The following RAB38 variants were observed in gnomAD, a reference collection of about 807,000 sequenced individuals.
The protein encoded by RAB38 is RAB38, member RAS oncogene family, also known as ras-related protein Rab-38.
A neutral mutation model predicts 18.4 loss-of-function variants in RAB38; 15 were observed. The observed-to-expected ratio is 0.82, with a 90% CI of 0.55 to 1.26. The LOEUF is 1.26. RAB38 is among the 50% of genes most tolerant of loss of function. The probability of loss-of-function intolerance (pLI) is 0.00; values close to 1 mark genes in which losing one functional copy is unlikely to be tolerated. For missense variants in RAB38, 294 were observed against 267.4 expected (o/e 1.10, Z -0.69); for synonymous variants, 101 against 104.4 (o/e 0.97, Z 0.20).
intron 1 of RAB38, among the ~76,000 whole-genome samples, chr11:88,174,637 A>AAAAAAAAC (rs1555014231): frequency 1.0e-4 from 14 of 133,708 alleles, no homozygotes; most frequent in Non-Finnish European, 1.9e-4. Context: ...AAAAAAAAAA[A>AAAAAAAAC]AAAACAAAAC....
chr11:87,970,449 T>A, the RAB38 span, among the ~76,000 whole-genome samples: 2 of 152,040 alleles, frequency 1.3e-5, no homozygotes, highest in Non-Finnish European at 1.5e-5. Context: ...AAATATTAGT[T>A]ATCTTAATTT....
the RAB38 span, among the ~76,000 whole-genome samples, chr11:87,888,489 C>T: frequency 6.6e-6 from 1 of 151,928 alleles, no homozygotes; most frequent in Admixed American, 6.6e-5. Flanking sequence ...ATACTTTCCT[C>T]TGAGCCTCAG....
At chr11:87,883,591 C>A in the RAB38 span, among the ~76,000 whole-genome samples, 11 of 151,870 alleles carry the variant, frequency 7.2e-5, no homozygotes, top group African/African-American at 2.7e-4. Flanking sequence ...GCAAAGGGAA[C>A]TTTGCAGAAG....
At chr11:87,906,201 C>G in the RAB38 span, among the ~76,000 whole-genome samples, 4 of 151,962 alleles carry the variant, frequency 2.6e-5, no homozygotes, top group African/African-American at 9.7e-5. Flanking sequence ...GGAGTCCTCT[C>G]CCACCCATGA....
chr11:87,893,390 A>ATTTTTT, the RAB38 span, among the ~76,000 whole-genome samples: 4 of 93,880 alleles, frequency 4.3e-5, no homozygotes, highest in Non-Finnish European at 6.2e-5. Flanking sequence ...ATATATATAT[A>ATTTTTT]TTTTTTTTTT....
chr11:87,976,551 T>A, the RAB38 span, among the ~76,000 whole-genome samples: 1 of 126,998 alleles, frequency 7.9e-6, no homozygotes, highest in African/African-American at 3.0e-5. Context: ...ATATTTTATA[T>A]ATACTTATAT....
At chr11:88,089,679 C>T in the RAB38 span, among the ~76,000 whole-genome samples, 706 of 152,012 alleles carry the variant, frequency 4.6e-3, 3 homozygotes, top group African/African-American at 0.016. Flanking sequence ...ACATGATCAA[C>T]TTAAAAAACC....
At chr11:88,174,136 C>G in intron 1 of RAB38, 2 of 954,770 alleles carry the variant, frequency 2.1e-6, no homozygotes, top group Non-Finnish European at 2.5e-6. Flanking sequence ...GATCCTTGAC[C>G]CTTGCCCAAC....
At chr11:88,046,748 T>C in the RAB38 span, among the ~76,000 whole-genome samples, 6 of 152,206 alleles carry the variant, frequency 3.9e-5, no homozygotes, top group Non-Finnish European at 7.3e-5. Context: ...CAACTTTAGA[T>C]ACCTGGTTTT....
At chr11:87,838,336 G>A in the RAB38 span, among the ~76,000 whole-genome samples, 10 of 152,012 alleles carry the variant, frequency 6.6e-5, no homozygotes, top group Admixed American at 3.9e-4. Context: ...GGATGGTCTC[G>A]ATCTCCTGAC....
the RAB38 span, among the ~76,000 whole-genome samples, chr11:88,038,562 A>C: frequency 1.3e-5 from 2 of 152,226 alleles, no homozygotes; most frequent in African/African-American, 4.8e-5. Flanking sequence ...GGTACTAAAA[A>C]TAATCTGAGC....
chr11:88,044,723 T>C, the RAB38 span, among the ~76,000 whole-genome samples: 2 of 152,052 alleles, frequency 1.3e-5, no homozygotes, highest in Non-Finnish European at 1.5e-5. Context: ...AAATCCTCCT[T>C]CTTTCCCTCC....
the RAB38 span, among the ~76,000 whole-genome samples, chr11:88,037,029 C>G: frequency 1.3e-5 from 2 of 151,860 alleles, no homozygotes; most frequent in Non-Finnish European, 2.9e-5. Context: ...TATTTCTATG[C>G]TTTGGAACAA....
the RAB38 span, among the ~76,000 whole-genome samples, chr11:87,908,346 A>ATG: frequency 3.3e-5 from 5 of 151,978 alleles, no homozygotes; most frequent in Admixed American, 6.6e-5. Flanking sequence ...ACTTAAGATA[A>ATG]TGTTATCAGG....
the RAB38 span, among the ~76,000 whole-genome samples, chr11:88,037,131 T>G: frequency 1.3e-5 from 2 of 152,106 alleles, no homozygotes; most frequent in African/African-American, 4.8e-5. Context: ...GTTTGAATTC[T>G]TTATCATTTT....
At chr11:88,043,602 A>ACCCCCCCCCC in the RAB38 span, among the ~76,000 whole-genome samples, 8 of 114,278 alleles carry the variant, frequency 7.0e-5, no homozygotes, top group Non-Finnish European at 1.4e-4. Flanking sequence ...GCACCTTGTG[A>ACCCCCCCCCC]CCCCCCCACC....
the RAB38 span, chr11:87,816,386 T>A: frequency 6.6e-6 from 1 of 152,398 alleles, no homozygotes; most frequent in Non-Finnish European, 1.5e-5. Context: ...ATAGTCTTTT[T>A]AATTTATTTG....
At chr11:87,941,214 G>GAGAT in the RAB38 span, among the ~76,000 whole-genome samples, 16 of 62,546 alleles carry the variant, frequency 2.6e-4, no homozygotes, top group East Asian at 5.6e-4. Context: ...AAATATATGA[G>GAGAT]ATATATATAT....
the RAB38 span, among the ~76,000 whole-genome samples, chr11:87,976,986 TTACATTATACAAGTATATTATAA>T: frequency 6.0e-4 from 17 of 28,294 alleles, no homozygotes; most frequent in Non-Finnish European, 9.1e-4. Flanking sequence ...TAAAATATAA[TTACATTATACAAGTATATTATAA>T]AATATAATTA....
Sources: gnomAD v4.1 joint callset for allele counts (sites outside exome capture counted in the v4.1 genomes callset) on GRCh38, gnomAD v4.1.1 for gene constraint, MANE v1.5 for transcripts, NCBI Gene and HGNC (gene_info 2026-07-23, HGNC 2026-07-21) for gene names.